TMEM65: variants seen among roughly 807,000 people sequenced by gnomAD.
TMEM65 encodes the protein transmembrane protein 65.
TMEM65 carries 22 observed loss-of-function variants against 25.4 expected under a neutral mutation model. That is an observed-to-expected ratio of 0.86 (90% CI 0.62 to 1.23). The LOEUF is 1.23. Ranked by LOEUF, TMEM65 falls within the 50% of genes most tolerant of loss-of-function variation. The pLI is 0.00. For missense variants in TMEM65, 262 were observed against 308.2 expected (o/e 0.85, Z 1.12); for synonymous variants, 132 against 126.2 (o/e 1.05, Z -0.31).
rs950583805 is a variant in TMEM65, at chr8:124,317,359, C to CA, written c.621+2726dup. ...AGCAACTACATACCAAATCCAAAAA[C>CA]AAAAAAAAATTTTCAGAAATTTTAT... On this transcript the variant is annotated intron_variant, in intron 6 of 6. Coordinates refer to ENST00000297632, the MANE Select transcript of TMEM65 (RefSeq NM_194291.3). 4.6e-5 allele frequency among the ~76,000 whole-genome samples: 7 copies of CA among 151,240 alleles called. 1 individual carries two copies. The South Asian group carries it at 1.0e-3, about 23-fold the overall frequency.
intron 1 of TMEM65, among the ~76,000 whole-genome samples, chr8:124,364,329 G>T (rs1175064981): frequency 6.6e-6 from 1 of 152,154 alleles, no homozygotes; most frequent in Non-Finnish European, 1.5e-5. Flanking sequence ...TACAAGGAAT[G>T]AATGAGAATA....
chr8:124,340,877 A>G (rs1037851446), intron 1 of TMEM65, among the ~76,000 whole-genome samples: 1 of 152,144 alleles, frequency 6.6e-6, no homozygotes, highest in African/African-American at 2.4e-5. Context: ...GTTTCTTATT[A>G]CAGAGACTAA....
intron 1 of TMEM65, among the ~76,000 whole-genome samples, chr8:124,364,357 AG>A (rs1199978098): frequency 2.0e-5 from 3 of 152,192 alleles, no homozygotes; most frequent in Non-Finnish European, 4.4e-5. Flanking sequence ...AAAGTCTGAG[AG>A]CACTGAGGAG....
At position 124,340,734 on chromosome 8, in the gene TMEM65, C is replaced by T. The variant is rs532179631; in HGVS notation, c.305-9942G>A. Among the ~76,000 whole-genome samples, 81 of 152,206 alleles carry T rather than the reference C, an allele frequency of 5.3e-4. No homozygotes were observed. In the Middle Eastern group the frequency reaches 0.01, roughly 19 times the overall value. ...AATAGAGATAAAAGTCCCATGTGAA[C>T]GATGTCTTCCCTATACCAGAAGGTT... is the stretch of plus-strand genomic sequence containing the variant. On this transcript the variant is annotated intron_variant, in intron 1 of 6. Coordinates refer to ENST00000297632, the MANE Select transcript of TMEM65 (RefSeq NM_194291.3).
intron 6 of TMEM65, among the ~76,000 whole-genome samples, chr8:124,318,461 G>C (rs1814266899): frequency 8.1e-6 from 1 of 123,558 alleles, no homozygotes; most frequent in African/African-American, 3.1e-5. Context: ...TGCAACCTCT[G>C]CCTCCCAAGT....
In TMEM65 at chr8:124,372,677, C is replaced by CGCT. The variant is rs1815039551; in HGVS notation, c.-523_-521dup. The CGCT allele has an allele frequency of 1.2e-5, 2 of 164,258 alleles. No individual in the cohort carries two copies. The highest frequency in any genetic ancestry group is 2.4e-5 in the African/African-American group (1 of 41,578). The allele number at this position is 164,258 out of a possible 1,614,324, so 10.2% of individuals were successfully genotyped here. A position where few individuals can be genotyped will look rare whatever the true frequency, so the allele number is the denominator to read the frequency against. ...CCCGAGCCGCAGCCGCCGCCGCCGC[C>CGCT]GCTACCCCTAGCGGCAGCAGAAGTG... is the stretch of plus-strand genomic sequence containing the variant. On this transcript the variant is annotated 5_prime_UTR_variant, in exon 1 of 7. Coordinates refer to ENST00000297632, the MANE Select transcript of TMEM65 (RefSeq NM_194291.3).
intron 6 of TMEM65, among the ~76,000 whole-genome samples, chr8:124,315,815 CAG>C (rs1814230301): frequency 6.6e-6 from 1 of 152,126 alleles, no homozygotes; most frequent in African/African-American, 2.4e-5. Context: ...ATCATTCATG[CAG>C]AGTTTTAACA....
chr8:124,317,879 C>T (rs1314772399), intron 6 of TMEM65, among the ~76,000 whole-genome samples: 1 of 152,160 alleles, frequency 6.6e-6, no homozygotes, highest in Non-Finnish European at 1.5e-5. Context: ...TGGCAAAGAA[C>T]TGCAGGTGAC....
intron 1 of TMEM65, among the ~76,000 whole-genome samples, chr8:124,351,438 C>A (rs1181794758): frequency 3.9e-5 from 6 of 152,086 alleles, no homozygotes; most frequent in African/African-American, 1.4e-4. Context: ...ATTTAGTATA[C>A]TTTAAAACAT....
intron 6 of TMEM65, among the ~76,000 whole-genome samples, chr8:124,319,060 C>T (rs1356999989): frequency 6.6e-6 from 1 of 152,036 alleles, no homozygotes; most frequent in Non-Finnish European, 1.5e-5. Flanking sequence ...ATTTTGTTAA[C>T]CAATGTATTC....
At chr8:124,352,439 C>T (rs1476245067) in intron 1 of TMEM65, among the ~76,000 whole-genome samples, 2 of 149,602 alleles carry the variant, frequency 1.3e-5, no homozygotes, top group Admixed American at 6.7e-5. Context: ...TCTTAGAAGT[C>T]AAATGTTTTC....
rs1175469816 is a variant in TMEM65 at position 124,307,159 on chromosome 8, C to T, written c.*6801G>A. 1 of 152,162 alleles carries T rather than the reference C, an allele frequency of 6.6e-6. No individual in the cohort carries two copies. The highest frequency in any genetic ancestry group is 2.4e-5 in the African/African-American group (1 of 41,422). 9.4% of individuals were successfully genotyped at this position (152,162 alleles called of 1,614,324 possible). Reference sequence around the variant, plus strand: ...CAAGTGCTGTATTCACTTAAAATGCCATGTGATGTTTATCATCTCCACATG... The same window carrying T: ...CAAGTGCTGTATTCACTTAAAATGCTATGTGATGTTTATCATCTCCACATG... On this transcript the variant is annotated 3_prime_UTR_variant, in exon 7 of 7. Transcript: ENST00000297632.
At chr8:124,364,821 T>C (rs1383704030) in intron 1 of TMEM65, among the ~76,000 whole-genome samples, 1 of 152,182 alleles carries the variant, frequency 6.6e-6, no homozygotes, top group Non-Finnish European at 1.5e-5. Context: ...AAGACAAGGC[T>C]ACAGTCCTGT....
At chr8:124,331,299 T>G (rs1814428494) in intron 1 of TMEM65, among the ~76,000 whole-genome samples, 1 of 145,160 alleles carries the variant, frequency 6.9e-6, no homozygotes, top group South Asian at 2.2e-4. Flanking sequence ...TTCACTGAAT[T>G]GTATTTTGTT....
At chr8:124,363,509 G>C (rs886852147) in intron 1 of TMEM65, among the ~76,000 whole-genome samples, 1 of 152,058 alleles carries the variant, frequency 6.6e-6, no homozygotes, top group Non-Finnish European at 1.5e-5. Flanking sequence ...CAAGCAGCCT[G>C]TTCATTAATC....
intron 1 of TMEM65, among the ~76,000 whole-genome samples, chr8:124,355,230 G>C (rs1814763893): frequency 6.6e-6 from 1 of 150,966 alleles, no homozygotes. Flanking sequence ...TTGTCATTAA[G>C]AAGTCCCTTT....
At position 124,310,301 on chromosome 8, in the gene TMEM65, G is replaced by T. The variant is rs1296888921; in HGVS notation, c.*3659C>A. On this transcript the variant is annotated 3_prime_UTR_variant, in exon 7 of 7. Transcript: ENST00000297632. ...ACATAGTATGTAATAAAGAACACAA[G>T]ATTTCTTAAATGAATCTTGGATTGT... The T allele has an allele frequency of 6.6e-6, 1 of 152,158 alleles. No homozygotes were observed. The highest frequency in any genetic ancestry group is 2.4e-5 in the African/African-American group (1 of 41,442). The allele number at this position is 152,158 out of a possible 1,614,324, so 9.4% of individuals were successfully genotyped here.
intron 1 of TMEM65, among the ~76,000 whole-genome samples, chr8:124,333,082 G>A (rs1371410594): frequency 6.6e-6 from 1 of 151,922 alleles, no homozygotes. Flanking sequence ...GATTACAGGC[G>A]TGAGCCACCA....
rs1586452304 is a variant in TMEM65, at chr8:124,310,760, G to A, written c.*3200C>T. The A allele has an allele frequency of 6.6e-6, 1 of 151,824 alleles. No individual in the cohort carries two copies. The allele number at this position is 151,824 out of a possible 1,614,324, so 9.4% of individuals were successfully genotyped here. A position where few individuals can be genotyped will look rare whatever the true frequency, so the allele number is the denominator to read the frequency against. On this transcript the variant is annotated 3_prime_UTR_variant, in exon 7 of 7. Transcript: ENST00000297632. Reference sequence around the variant, plus strand: ...TTCCCAAATAATTTATGGTAAGATAGGCTAACCAGTTTCTAAGTCCAGACA... The same window carrying A: ...TTCCCAAATAATTTATGGTAAGATAAGCTAACCAGTTTCTAAGTCCAGACA...
Sources: allele counts gnomAD v4.1 joint callset (sites outside exome capture counted in the v4.1 genomes callset), GRCh38; gene constraint gnomAD v4.1.1; transcripts MANE v1.5; gene names NCBI Gene and HGNC (gene_info 2026-07-23, HGNC 2026-07-21).